Variants in NEDD4 observed in about 807,000 individuals in gnomAD.
NEDD4 encodes E3 ubiquitin-protein ligase NEDD4.
NEDD4 carries 99 observed loss-of-function variants against 144.9 expected under a neutral mutation model. The observed-to-expected ratio is 0.68, with a 90% confidence interval of 0.58 to 0.81. The LOEUF is 0.81. NEDD4 is among the 30% of genes least tolerant of loss of function. NEDD4 has a pLI of 0.00. For missense variants in NEDD4, 985 were observed against 1,065.9 expected, an observed-to-expected ratio of 0.92 and a Z score of 1.06; for synonymous variants, 318 against 350.6, an observed-to-expected ratio of 0.91 and a Z score of 1.04.
chr15:55,905,146 G>A, intron 5 of NEDD4: 1 of 339,206 alleles, frequency 2.9e-6, no homozygotes, highest in Non-Finnish European at 5.8e-6. Flanking sequence ...TACTGCAAAT[G>A]AATTAAATTA....
At chr15:55,989,626 G>A (rs1281530372) in intron 1 of NEDD4, among the ~76,000 whole-genome samples, 7 of 152,208 alleles carry the variant, frequency 4.6e-5, no homozygotes, top group Non-Finnish European at 7.4e-5. Flanking sequence ...TCTCCATACC[G>A]ATAGCGGAGA....
chr15:55,851,946 T>C (rs1386896186), intron 13 of NEDD4, among the ~76,000 whole-genome samples: 1 of 152,146 alleles, frequency 6.6e-6, no homozygotes, highest in East Asian at 1.9e-4. Context: ...TCGTGTATAT[T>C]AGAGATTCAT....
chr15:55,873,896 G>A, intron 6 of NEDD4, 62 bp downstream of exon 6: 1 of 752,150 alleles, frequency 1.3e-6, no homozygotes. Flanking sequence ...TATTATATAT[G>A]TAAGTATTTA....
At chr15:55,961,711 C>T (rs903754302) in intron 2 of NEDD4, among the ~76,000 whole-genome samples, 28 of 152,100 alleles carry the variant, frequency 1.8e-4, no homozygotes, top group African/African-American at 5.8e-4. Flanking sequence ...CCTTGTGATC[C>T]GCCCGCCTCA....
intron 1 of NEDD4, among the ~76,000 whole-genome samples, chr15:55,977,055 G>A (rs1217483781): frequency 1.3e-5 from 2 of 152,172 alleles, no homozygotes; most frequent in African/African-American, 4.8e-5. Context: ...GCCTTTCTCA[G>A]AAGAAGTCTG....
At chr15:55,981,999 T>C (rs1166855316) in intron 1 of NEDD4, among the ~76,000 whole-genome samples, 2 of 152,236 alleles carry the variant, frequency 1.3e-5, no homozygotes, top group Non-Finnish European at 2.9e-5. Flanking sequence ...TTAAGTGTGA[T>C]AACACCATAT....
intron 7 of NEDD4, among the ~76,000 whole-genome samples, chr15:55,870,355 C>T (rs184253999): frequency 8.7e-4 from 133 of 152,226 alleles, no homozygotes; most frequent in Non-Finnish European, 1.4e-3. Context: ...TCTTTGGCAG[C>T]TGTTTGAATC....
chr15:55,866,183 G>A (rs2034579545), intron 8 of NEDD4, among the ~76,000 whole-genome samples: 1 of 151,744 alleles, frequency 6.6e-6, no homozygotes, highest in Non-Finnish European at 1.5e-5. Context: ...CAAAGTGCTG[G>A]GATTACCAGC....
At chr15:55,906,221 T>A (rs551911372) in intron 5 of NEDD4, among the ~76,000 whole-genome samples, 1 of 152,338 alleles carries the variant, frequency 6.6e-6, no homozygotes, top group East Asian at 1.9e-4. Context: ...GAAGACAGTG[T>A]GGCGATTCCT....
intron 4 of NEDD4, among the ~76,000 whole-genome samples, chr15:55,933,614 A>G (rs186383243): frequency 2.3e-4 from 35 of 151,926 alleles, no homozygotes; most frequent in African/African-American, 7.2e-4. Flanking sequence ...CAGCACACCA[A>G]CATGGCACAT....
At chr15:55,850,471 G>T (rs1428309637) in intron 14 of NEDD4, 71 bp downstream of exon 14, 44 of 1,411,198 alleles carry the variant, frequency 3.1e-5, no homozygotes, top group Non-Finnish European at 4.1e-5. Flanking sequence ...CATACTTAAA[G>T]ATTTTAAGGA....
At chr15:55,910,009 C>T (rs2036218881) in intron 5 of NEDD4, among the ~76,000 whole-genome samples, 1 of 114,282 alleles carries the variant, frequency 8.8e-6, no homozygotes, top group Admixed American at 9.7e-5. Context: ...TGCTGAATTT[C>T]CTTTTCACTC....
intron 4 of NEDD4, among the ~76,000 whole-genome samples, chr15:55,925,878 T>C (rs2036652229): frequency 6.6e-6 from 1 of 152,060 alleles, no homozygotes; most frequent in Admixed American, 6.6e-5. Flanking sequence ...AGTATACTAA[T>C]GTTGGGATGA....
chr15:55,872,003 T>A (rs1298493539), intron 7 of NEDD4, among the ~76,000 whole-genome samples: 1 of 152,196 alleles, frequency 6.6e-6, no homozygotes, highest in Non-Finnish European at 1.5e-5. Flanking sequence ...CTCTAAATAT[T>A]TGAGTCTTCT....
chr15:55,931,669 T>C (rs2036784887), intron 4 of NEDD4, among the ~76,000 whole-genome samples: 1 of 152,326 alleles, frequency 6.6e-6, no homozygotes, highest in African/African-American at 2.4e-5. Flanking sequence ...TTCTATTGTG[T>C]TCATAAAGAA....
Position 55,860,465 on chromosome 15 carries a change from A to G in NEDD4, c.902T>C (p.Leu301Ser). 6.2e-7 allele frequency: 1 copy of G among 1,614,124 alleles called. No individual in the cohort carries two copies. Among genetic ancestry groups the G allele is most frequent in the Non-Finnish European group, 8.5e-7 (1 of 1,180,014 alleles). ...TCCAAAAATGGTGAGTCTGGCATTC[A>G]ATTCTTCTGCAAGATGAGTTGGAAC... is the stretch of plus-strand genomic sequence containing the variant. ...LDVPTHLAEE[L>S]NARLTIFGNS... The change falls in exon 11 of 29, where the codon TTG (leucine) becomes TCG (serine). Residue 301 changes from leucine to serine, a missense_variant. By Grantham distance (145) the Leu-to-Ser change is moderately radical. Coordinates refer to ENST00000435532, the MANE Select transcript of NEDD4 (RefSeq NM_006154.4).
At chr15:55,976,157 A>G (rs1407016369) in intron 1 of NEDD4, among the ~76,000 whole-genome samples, 1 of 152,212 alleles carries the variant, frequency 6.6e-6, no homozygotes, top group Non-Finnish European at 1.5e-5. Flanking sequence ...TCTCCAGAAC[A>G]CTGGTCTAGG....
intron 1 of NEDD4, among the ~76,000 whole-genome samples, chr15:55,983,542 C>T (rs763695150): frequency 5.9e-5 from 9 of 152,038 alleles, no homozygotes; most frequent in Non-Finnish European, 8.8e-5. Context: ...TCCTATTCAT[C>T]CTTAGTTTCA....
intron 5 of NEDD4, among the ~76,000 whole-genome samples, chr15:55,895,318 T>A (rs1380415316): frequency 1.3e-5 from 2 of 152,190 alleles, no homozygotes; most frequent in Non-Finnish European, 2.9e-5. Flanking sequence ...ATCTCTGCAG[T>A]TTAAATGAGA....
Sources: gnomAD v4.1 joint callset for allele counts (sites outside exome capture counted in the v4.1 genomes callset) on GRCh38, gnomAD v4.1.1 for gene constraint, MANE v1.5 for transcripts, NCBI Gene and HGNC (gene_info 2026-07-23, HGNC 2026-07-21) for gene names.